B4GALT5: variants seen among roughly 807,000 people sequenced by gnomAD.
B4GALT5 encodes UDP-Gal:beta-GlcNAc beta-1,4-galactosyltransferase 5.
In B4GALT5, 11 loss-of-function variants were observed where a neutral mutation model predicts 45.0. The observed-to-expected ratio is 0.24, with a 90% CI of 0.15 to 0.40. B4GALT5 has a LOEUF of 0.40. B4GALT5 is among the 10% of genes least tolerant of loss of function. The pLI is 1.00. For missense variants in B4GALT5, 337 were observed against 500.2 expected (o/e 0.67, Z 3.11); for synonymous variants, 185 against 182.9 (o/e 1.01, Z -0.09).
At chr20:49,694,530 G>A (rs1214741313) in intron 1 of B4GALT5, among the ~76,000 whole-genome samples, 1 of 152,034 alleles carries the variant, frequency 6.6e-6, no homozygotes, top group African/African-American at 2.4e-5. Context: ...CTAGCTACTT[G>A]GGAGGGTGAG....
intron 1 of B4GALT5, among the ~76,000 whole-genome samples, chr20:49,665,449 A>G (rs866267827): frequency 0.016 from 2,055 of 127,078 alleles, 61 homozygotes; most frequent in East Asian, 0.07. Flanking sequence ...AGTAATAATA[A>G]TAATAATAAT....
intron 1 of B4GALT5, among the ~76,000 whole-genome samples, chr20:49,704,923 G>C (rs763125078): frequency 1.3e-5 from 2 of 152,046 alleles, no homozygotes. Flanking sequence ...CAAAGTACCT[G>C]GGTAGCTCCG....
intron 1 of B4GALT5, among the ~76,000 whole-genome samples, chr20:49,701,102 G>C (rs1190204747): frequency 1.3e-5 from 2 of 152,206 alleles, no homozygotes; most frequent in African/African-American, 2.4e-5. Flanking sequence ...TACACTGTCT[G>C]CTTTGTTCAT....
rs1018803956 is a variant in B4GALT5, at chr20:49,646,986, G to A, written c.343C>T (p.Pro115Ser). The stretch of plus-strand genomic sequence containing the variant: ...TCACTCATGGAAGGGAGTCTTTCAG[G>A]GCAGGTATGGTTTGCAAAGTAGGTG... ...DFTYFANHTC[P>S]ERLPSMKGPI... is the part of the protein sequence containing the mutation. The change falls in exon 3 of 9, where the codon CCT (proline) becomes TCT (serine). Residue 115 changes from proline (P) to serine (S), a missense_variant. This residue lies in a region of B4GALT5 where 174 missense variants were observed against 207.4 expected (regional missense o/e 0.84). Transcript: ENST00000371711. 5.0e-6 allele frequency: 8 copies of A among 1,613,146 alleles called. No homozygotes were observed. Among genetic ancestry groups the A allele is most frequent in the Admixed American group, 3.3e-5 (2 of 59,980 alleles).
intron 1 of B4GALT5, among the ~76,000 whole-genome samples, chr20:49,662,518 T>G (rs1235345277): frequency 6.6e-6 from 1 of 151,670 alleles, no homozygotes; most frequent in Non-Finnish European, 1.5e-5. Flanking sequence ...CAATATAGAG[T>G]TTTCTGAACT....
At chr20:49,659,190 A>G (rs1047651331) in intron 1 of B4GALT5, among the ~76,000 whole-genome samples, 1 of 152,228 alleles carries the variant, frequency 6.6e-6, no homozygotes, top group African/African-American at 2.4e-5. Context: ...TCTCCTGCAC[A>G]AAGCTGCCAG....
In B4GALT5 at chr20:49,635,247, C is replaced by T. The variant is rs898520415; in HGVS notation, c.*1065G>A. ...CACCCCCGCCCCCCGCCCCCCGCCC[C>T]GCCATGCTGATGAAAAGACAGAACA... On this transcript the variant is annotated 3_prime_UTR_variant, in exon 9 of 9. Transcript: ENST00000371711. 3 of 142,082 alleles carry T rather than the reference C, an allele frequency of 2.1e-5. No individual in the cohort carries two copies. The highest frequency in any genetic ancestry group is 2.3e-4 in the East Asian group (1 of 4,376). The allele number at this position is 142,082 out of a possible 1,614,324, so 8.8% of individuals were successfully genotyped here.
chr20:49,703,976 C>T (rs891748368), intron 1 of B4GALT5, among the ~76,000 whole-genome samples: 1 of 151,892 alleles, frequency 6.6e-6, no homozygotes, highest in Middle Eastern at 3.2e-3. Context: ...TCTGGTTTGA[C>T]TTCCTTAGGT....
At chr20:49,654,683 A>G (rs2085634927) in intron 2 of B4GALT5, among the ~76,000 whole-genome samples, 1 of 152,238 alleles carries the variant, frequency 6.6e-6, no homozygotes, top group Non-Finnish European at 1.5e-5. Flanking sequence ...TTGCAAAGCA[A>G]TTTCACATTC....
Position 49,638,722 on chromosome 20 carries a change from T to TA in B4GALT5, c.917+955dup, listed in dbSNP as rs796812415. Among the ~76,000 whole-genome samples, 577 of 145,434 alleles carry TA rather than the reference T, an allele frequency of 4.0e-3. 1 individual carries two copies. The highest frequency in any genetic ancestry group is 0.012 in the African/African-American group (497 of 39,862). ...TTTGCATCCATTAAAGGACAGAGCT[T>TA]AAAAAAAAAAAGAGCCTTAAAATGA... On this transcript the variant is annotated intron_variant, in intron 7 of 8. Coordinates refer to ENST00000371711, the MANE Select transcript of B4GALT5 (RefSeq NM_004776.4).
At chr20:49,661,207 C>T (rs773803776) in intron 1 of B4GALT5, among the ~76,000 whole-genome samples, 4 of 152,082 alleles carry the variant, frequency 2.6e-5, no homozygotes, top group Non-Finnish European at 5.9e-5. Context: ...TGAGTTGCTG[C>T]ATATATTTTG....
At chr20:49,673,920 G>A (rs4810972) in intron 1 of B4GALT5, among the ~76,000 whole-genome samples, 72,601 of 151,374 alleles carry the variant, frequency 0.48, 18,093 homozygotes, top group South Asian at 0.65. Context: ...CAACTTTTCT[G>A]TAAGTTTGAA....
chr20:49,676,769 C>T (rs1320483124), intron 1 of B4GALT5, among the ~76,000 whole-genome samples: 2 of 152,166 alleles, frequency 1.3e-5, no homozygotes, highest in South Asian at 2.1e-4. Flanking sequence ...GGCATGAGGG[C>T]GGGGGGCACA....
chr20:49,639,862 G>C, intron 6 of B4GALT5, 62 bp from the exon 7 acceptor site: 1 of 1,587,464 alleles, frequency 6.3e-7, no homozygotes, highest in South Asian at 1.1e-5. Flanking sequence ...TTCCCTAGAA[G>C]GTTCTCATTT....
chr20:49,655,303 C>T (rs1181218679), intron 2 of B4GALT5, among the ~76,000 whole-genome samples: 4 of 151,848 alleles, frequency 2.6e-5, no homozygotes, highest in Non-Finnish European at 5.9e-5. Context: ...TGGTGGCGCA[C>T]ACCTGTAACC....
At chr20:49,638,098 A>G (rs2085561546) in intron 7 of B4GALT5, among the ~76,000 whole-genome samples, 1 of 151,976 alleles carries the variant, frequency 6.6e-6, no homozygotes, top group Admixed American at 6.6e-5. Context: ...GGTTCAGTGC[A>G]GCCTCAATCT....
At chr20:49,656,004 T>C (rs1305405687) in intron 2 of B4GALT5, among the ~76,000 whole-genome samples, 1 of 151,872 alleles carries the variant, frequency 6.6e-6, no homozygotes, top group Non-Finnish European at 1.5e-5. Context: ...GTCTGTCCCC[T>C]GCACACCTCA....
intron 1 of B4GALT5, among the ~76,000 whole-genome samples, chr20:49,698,430 T>G (rs1239228631): frequency 6.6e-6 from 1 of 152,216 alleles, no homozygotes; most frequent in Non-Finnish European, 1.5e-5. Flanking sequence ...TTACCTAAAG[T>G]GAATTTTCCC....
intron 1 of B4GALT5, among the ~76,000 whole-genome samples, chr20:49,671,085 T>A (rs531429935): frequency 6.6e-6 from 1 of 152,232 alleles, no homozygotes; most frequent in South Asian, 2.1e-4. Flanking sequence ...TATTTAAAAA[T>A]CATACCGTGC....
Sources: gnomAD v4.1 joint callset for allele counts (sites outside exome capture counted in the v4.1 genomes callset) on GRCh38, gnomAD v4.1.1 for gene constraint, gnomAD v4.1.1 regional missense constraint, MANE v1.5 for transcripts, NCBI Gene and HGNC (gene_info 2026-07-23, HGNC 2026-07-21) for gene names.